The following MOSMO variants were observed in gnomAD, a reference collection of about 807,000 sequenced individuals.
MOSMO encodes modulator of smoothened.
MOSMO carries 5 observed loss-of-function variants against 18.4 expected under a neutral mutation model. The observed-to-expected ratio is 0.27, with a 90% confidence interval of 0.14 to 0.57. The LOEUF (loss-of-function observed/expected upper bound fraction) is 0.57, where lower values mean the gene tolerates loss of function less well. Ranked by LOEUF, MOSMO falls within the 20% of genes least tolerant of loss-of-function variation. The pLI is 0.92. For synonymous variants in MOSMO, 82 were observed against 82.3 expected (o/e 1.00, Z 0.02); for missense variants, 138 against 211.8 (o/e 0.65, Z 2.16).
intron 1 of MOSMO, among the ~76,000 whole-genome samples, chr16:22,067,044 C>T (rs1477123312): frequency 6.6e-6 from 1 of 151,830 alleles, no homozygotes; most frequent in Non-Finnish European, 1.5e-5. Flanking sequence ...TAGAGAATAT[C>T]TAATAAAGAG....
chr16:22,060,125 C>T (rs1035134054), intron 1 of MOSMO, among the ~76,000 whole-genome samples: 53 of 152,068 alleles, frequency 3.5e-4, no homozygotes, highest in African/African-American at 1.2e-3. Flanking sequence ...TGCAGTGAGC[C>T]GAGATTGCGC....
At chr16:22,013,500 A>G (rs1899575815) in intron 1 of MOSMO, among the ~76,000 whole-genome samples, 1 of 152,056 alleles carries the variant, frequency 6.6e-6, no homozygotes, top group South Asian at 2.1e-4. Context: ...ACTTTTTGTC[A>G]GGGGGAAAAA....
rs1057030281 is a variant in MOSMO at position 22,082,223 on chromosome 16, CTTTG to C, written c.*1348_*1351del. 6.6e-6 allele frequency: 1 copy of C among 152,032 alleles called. No homozygotes were observed. Among genetic ancestry groups the C allele is most frequent in the Non-Finnish European group, 1.5e-5 (1 of 67,990 alleles). The allele number at this position is 152,032 out of a possible 1,614,324, so 9.4% of individuals were successfully genotyped here. ...AATATTTTCTTTATATGTTATATGCCTTTGTTTGCTAAAAGCTAATATTTTTGCA... is the reference window on the plus strand; with the variant it reads ...AATATTTTCTTTATATGTTATATGCCTTTGCTAAAAGCTAATATTTTTGCA... On this transcript the variant is annotated 3_prime_UTR_variant, in exon 3 of 3. Coordinates refer to ENST00000542527, the MANE Select transcript of MOSMO (RefSeq NM_001164579.2).
intron 1 of MOSMO, among the ~76,000 whole-genome samples, chr16:22,060,805 G>A (rs1455296338): frequency 2.0e-5 from 3 of 151,924 alleles, no homozygotes; most frequent in South Asian, 2.1e-4. Context: ...ACCAGCAGGC[G>A]GAGGTTGCAG....
At chr16:22,029,559 A>G (rs1483101275) in intron 1 of MOSMO, among the ~76,000 whole-genome samples, 5 of 152,208 alleles carry the variant, frequency 3.3e-5, no homozygotes, top group Admixed American at 6.5e-5. Flanking sequence ...AGACAGAAAA[A>G]TGCTGTTGCA....
intron 1 of MOSMO, among the ~76,000 whole-genome samples, chr16:22,031,261 A>G (rs901399665): frequency 6.6e-6 from 1 of 152,172 alleles, no homozygotes; most frequent in East Asian, 1.9e-4. Flanking sequence ...TAACAGGAGG[A>G]GTTTGAGGGA....
intron 1 of MOSMO, among the ~76,000 whole-genome samples, chr16:22,034,610 T>C (rs1302108886): frequency 1.3e-5 from 2 of 152,066 alleles, no homozygotes; most frequent in South Asian, 2.1e-4. Flanking sequence ...AGGTAGTTTT[T>C]TCTCTGGCTT....
intron 1 of MOSMO, among the ~76,000 whole-genome samples, chr16:22,046,243 G>C (rs1900307196): frequency 6.6e-6 from 1 of 152,036 alleles, no homozygotes; most frequent in South Asian, 2.1e-4. Context: ...TGGCCAACAT[G>C]GTTCTTTTTT....
At chr16:22,010,951 G>A (rs892069845) in intron 1 of MOSMO, among the ~76,000 whole-genome samples, 2 of 151,634 alleles carry the variant, frequency 1.3e-5, no homozygotes, top group African/African-American at 4.8e-5. Flanking sequence ...AAAAAAAAGG[G>A]CAAGCTCCTC....
At chr16:22,090,694 C>G (rs1010456169), downstream of MOSMO, among the ~76,000 whole-genome samples, 31 of 152,308 alleles carry the variant, frequency 2.0e-4, no homozygotes, top group African/African-American at 7.2e-4. Flanking sequence ...TGAGCTGACC[C>G]TGATCCATTT....
chr16:22,067,166 T>A (rs2141768424), intron 1 of MOSMO, among the ~76,000 whole-genome samples: 1 of 152,168 alleles, frequency 6.6e-6, no homozygotes, highest in South Asian at 2.1e-4. Context: ...TCAATTGAGA[T>A]TATTGCATAT....
intron 1 of MOSMO, among the ~76,000 whole-genome samples, chr16:22,036,918 G>A (rs1470566241): frequency 6.6e-6 from 1 of 152,120 alleles, no homozygotes; most frequent in East Asian, 1.9e-4. Context: ...CTGCCTAGTG[G>A]GCAGGTGAAA....
chr16:22,092,597 C>T, the MOSMO span: 1 of 1,549,410 alleles, frequency 6.5e-7, no homozygotes, highest in South Asian at 1.2e-5. Flanking sequence ...AAGTAAGGCC[C>T]TGGAGTGCCA....
chr16:22,060,983 G>A (rs1029792073), intron 1 of MOSMO, among the ~76,000 whole-genome samples: 1 of 152,114 alleles, frequency 6.6e-6, no homozygotes, highest in Non-Finnish European at 1.5e-5. Flanking sequence ...TCACTCCTAG[G>A]TATTAACACA....
chr16:22,014,437 T>C (rs1257617858), intron 1 of MOSMO, among the ~76,000 whole-genome samples: 1 of 152,150 alleles, frequency 6.6e-6, no homozygotes, highest in Non-Finnish European at 1.5e-5. Flanking sequence ...TTCAGGGAAG[T>C]GAAAGCCTTG....
At chr16:22,052,093 A>G (rs1193744140) in intron 1 of MOSMO, among the ~76,000 whole-genome samples, 1 of 152,148 alleles carries the variant, frequency 6.6e-6, no homozygotes, top group East Asian at 1.9e-4. Context: ...TATTCTACGG[A>G]TATAGTTTCA....
chr16:22,059,994 T>G (rs546610845), intron 1 of MOSMO, among the ~76,000 whole-genome samples: 90 of 152,156 alleles, frequency 5.9e-4, no homozygotes, highest in Non-Finnish European at 1.2e-3. Context: ...CTGGGCAATA[T>G]GGTGAAAATG....
intron 1 of MOSMO, among the ~76,000 whole-genome samples, chr16:22,033,113 A>C (rs1900030442): frequency 6.6e-6 from 1 of 152,116 alleles, no homozygotes; most frequent in South Asian, 2.1e-4. Context: ...TGAAATTGAG[A>C]AGTTTGAATC....
chr16:22,087,377 G>T (rs1901204938), downstream of MOSMO: 3 of 152,086 alleles, frequency 2.0e-5, no homozygotes, highest in Non-Finnish European at 4.4e-5. Context: ...AGTGTATTTG[G>T]TCACTATTAA....
Sources: allele counts gnomAD v4.1 joint callset (sites outside exome capture counted in the v4.1 genomes callset), GRCh38; gene constraint gnomAD v4.1.1; transcripts MANE v1.5; gene names NCBI Gene and HGNC (gene_info 2026-07-23, HGNC 2026-07-21).